DNAH8: variants seen among roughly 807,000 people sequenced by gnomAD.
DNAH8 encodes dynein axonemal heavy chain 8, also known as axonemal beta dynein heavy chain 8.
Under a neutral mutation model 562.1 loss-of-function variants are expected in DNAH8, and 382 were observed. The observed-to-expected ratio is 0.68, with a 90% CI of 0.63 to 0.74. The LOEUF is 0.74. Ranked by LOEUF, DNAH8 falls within the 30% of genes least tolerant of loss-of-function variation. The pLI, the probability that DNAH8 is intolerant of heterozygous loss-of-function variation, is 0.00. For missense variants in DNAH8, 5,203 were observed against 5,620.4 expected (o/e 0.93, Z 2.37); for synonymous variants, 1,881 against 1,919.4 (o/e 0.98, Z 0.52).
In DNAH8 at chr6:38,850,240, T is replaced by G; in HGVS notation, c.5200-11T>G. ...AATGCTAATCTTTACTGGCTATGGATGCATTTTCAGGAAGCAAAACGTTTT... is the reference window on the plus strand; with the variant it reads ...AATGCTAATCTTTACTGGCTATGGAGGCATTTTCAGGAAGCAAAACGTTTT... On this transcript the variant is annotated splice_polypyrimidine_tract_variant and intron_variant, in intron 37 of 92. Transcript: ENST00000327475. 6.2e-7 allele frequency: 1 copy of G among 1,611,820 alleles called. No individual in the cohort carries two copies. The highest frequency in any genetic ancestry group is 8.5e-7 in the Non-Finnish European group (1 of 1,178,736).
intron 15 of DNAH8, among the ~76,000 whole-genome samples, chr6:38,780,548 G>T (rs570555210): frequency 6.6e-6 from 1 of 152,196 alleles, no homozygotes; most frequent in South Asian, 2.1e-4. Flanking sequence ...CAGGAACATG[G>T]ACGAAGCTAG....
Position 38,924,125 on chromosome 6 carries a change from A to G in DNAH8, c.10925A>G (p.Asn3642Ser), listed in dbSNP as rs1781927971. The G allele has an allele frequency of 6.2e-7, 1 of 1,613,858 alleles. No homozygotes were observed. The highest frequency in any genetic ancestry group is 1.3e-5 in the African/African-American group (1 of 74,912). The change falls in exon 73 of 93, where the codon AAC (asparagine) becomes AGC (serine). Residue 3642 changes from asparagine (N) to serine (S), a missense_variant. By Grantham distance (46) the Asn-to-Ser change is conservative. Around this residue, in one of 6 missense-constraint regions of DNAH8, gnomAD observed 1,399 missense variants for 1,518.4 expected, o/e 0.92. Coordinates refer to ENST00000327475, the MANE Select transcript of DNAH8 (RefSeq NM_001206927.2). Reference sequence around the variant, plus strand: ...GCACGGAAAATTCCTTTCACAGAAAACCTGAATCTTATTTCAATGTTGGTG... The same window carrying G: ...GCACGGAAAATTCCTTTCACAGAAAGCCTGAATCTTATTTCAATGTTGGTG... ...LRARKIPFTENLNLISMLVDP... is the reference protein window; with the variant it reads ...LRARKIPFTESLNLISMLVDP...
chr6:38,900,756 A>G (rs1780021156), intron 62 of DNAH8, among the ~76,000 whole-genome samples: 1 of 152,094 alleles, frequency 6.6e-6, no homozygotes, highest in Non-Finnish European at 1.5e-5. Flanking sequence ...AGCTGGGATC[A>G]CAGGAGTGTG....
intron 32 of DNAH8, among the ~76,000 whole-genome samples, chr6:38,837,665 G>A (rs1774411753): frequency 6.6e-6 from 1 of 152,174 alleles, no homozygotes; most frequent in Non-Finnish European, 1.5e-5. Flanking sequence ...ACTTTTAGAT[G>A]TACTTATGGG....
intron 1 of DNAH8, 23 bp from the exon 2 acceptor site, chr6:38,722,753 A>G: frequency 6.7e-7 from 1 of 1,494,578 alleles, no homozygotes; most frequent in Non-Finnish European, 8.9e-7. Context: ...GTAGTTTTAA[A>G]CGAACCTATG....
intron 91 of DNAH8, among the ~76,000 whole-genome samples, chr6:39,016,834 G>A (rs749906111): frequency 6.6e-6 from 1 of 152,158 alleles, no homozygotes; most frequent in Non-Finnish European, 1.5e-5. Flanking sequence ...GCTACCTCAA[G>A]GACAAGTGAC....
At chr6:38,834,455 C>A (rs1583137814) in intron 31 of DNAH8, 124 bp from the exon 32 acceptor site, 2 of 608,200 alleles carry the variant, frequency 3.3e-6, no homozygotes, top group East Asian at 3.0e-5. Flanking sequence ...AAGTACAGGA[C>A]ACAATTAAAT....
At position 38,984,144 on chromosome 6, in the gene DNAH8, G is replaced by A. The variant is rs994092550; in HGVS notation, c.12952-62G>A. ...AGACCTTTCCTCTAGGGAAAGACCC[G>A]AAATGTTTATAATGATGTGTTTGGG... On this transcript the variant is annotated intron_variant, in intron 86 of 92. Transcript: ENST00000327475. 7.0e-5 allele frequency: 68 copies of A among 976,120 alleles called. 1 individual carries two copies. The highest frequency in any genetic ancestry group is 3.1e-4 in the African/African-American group (19 of 61,132). The allele number at this position is 976,120 out of a possible 1,614,324, so 60.5% of individuals were successfully genotyped here. A position where few individuals can be genotyped will look rare whatever the true frequency, so the allele number is the denominator to read the frequency against.
At position 38,911,404 on chromosome 6, in the gene DNAH8, A is replaced by G. The variant is rs1023907316; in HGVS notation, c.9741-64A>G. Reference sequence around the variant, plus strand: ...TGATCACACTGATTTCACCTTGGGAAAGGTGTCGTTTTATGGGAGTACGCA... The same window carrying G: ...TGATCACACTGATTTCACCTTGGGAGAGGTGTCGTTTTATGGGAGTACGCA... On this transcript the variant is annotated intron_variant, in intron 65 of 92. Transcript: ENST00000327475. 24 of 1,164,668 alleles carry G rather than the reference A, an allele frequency of 2.1e-5. No individual in the cohort carries two copies. In the Admixed American group the frequency reaches 2.9e-4, roughly 14 times the overall value. The allele number at this position is 1,164,668 out of a possible 1,614,324, so 72.1% of individuals were successfully genotyped here.
In DNAH8 at chr6:38,765,484, C is replaced by T. The variant is rs1462545260; in HGVS notation, c.1617+3681C>T. ...GTTGACTTTTGTATGTCATATGAAA[C>T]GATGGTTCAATTTTATTGTTTTGCA... On this transcript the variant is annotated intron_variant, in intron 11 of 92. Coordinates refer to ENST00000327475, the MANE Select transcript of DNAH8 (RefSeq NM_001206927.2). Among the ~76,000 whole-genome samples the T allele has an allele frequency of 3.9e-5, 6 of 152,084 alleles. 1 individual carries two copies. Among genetic ancestry groups the T allele is most frequent in the Middle Eastern group, 6.3e-3 (2 of 316 alleles).
intron 13 of DNAH8, among the ~76,000 whole-genome samples, chr6:38,777,257 T>G (rs907543199): frequency 6.6e-6 from 1 of 152,096 alleles, no homozygotes; most frequent in Admixed American, 6.6e-5. Context: ...TTTATGGCAA[T>G]GGGAATTTTT....
intron 4 of DNAH8, among the ~76,000 whole-genome samples, chr6:38,732,245 G>A (rs1259865628): frequency 6.6e-6 from 1 of 152,076 alleles, no homozygotes; most frequent in African/African-American, 2.4e-5. Context: ...CCTATTGATG[G>A]TCACATCTCT....
chr6:38,955,439 T>C (rs1047338405), intron 82 of DNAH8, among the ~76,000 whole-genome samples: 2 of 152,040 alleles, frequency 1.3e-5, no homozygotes, highest in African/African-American at 4.8e-5. Flanking sequence ...GAGGTCAGCC[T>C]GACCAACATG....
At chr6:38,908,198 G>T (rs770355385) in intron 64 of DNAH8, 78 bp downstream of exon 64, 5 of 760,962 alleles carry the variant, frequency 6.6e-6, no homozygotes, top group Non-Finnish European at 9.5e-6. Flanking sequence ...TCTCTGATTA[G>T]AAAATGATCT....
At chr6:39,000,783 T>C (rs575385693) in intron 88 of DNAH8, among the ~76,000 whole-genome samples, 17 of 152,312 alleles carry the variant, frequency 1.1e-4, no homozygotes, top group African/African-American at 4.1e-4. Flanking sequence ...CCGAAACTTT[T>C]CCGCCGCCTC....
chr6:39,021,164 A>G (rs865865687), intron 91 of DNAH8, among the ~76,000 whole-genome samples: 4 of 152,136 alleles, frequency 2.6e-5, no homozygotes, highest in Admixed American at 2.0e-4. Flanking sequence ...ATTTTCTGAA[A>G]AGCTTCCTTG....
At position 38,842,840 on chromosome 6, in the gene DNAH8, T is replaced by G; in HGVS notation, c.4782T>G (p.Ser1594=). 6.2e-7 allele frequency: 1 copy of G among 1,613,914 alleles called. No individual in the cohort carries two copies. The highest frequency in any genetic ancestry group is 1.1e-5 in the South Asian group (1 of 91,076). Residue 1594 remains serine, a synonymous_variant, in exon 35 of 93, where the codon TCT becomes TCG. Coordinates refer to ENST00000327475, the MANE Select transcript of DNAH8 (RefSeq NM_001206927.2). ...CTGGAACCCCATTTGATGTGGAATC[T>G]GATTCTTTTTGCCTTAGAAATATCA... is the stretch of plus-strand genomic sequence containing the variant. ...ELTGTPFDVE[S]DSFCLRNIME...
chr6:38,962,634 G>A (rs1446680636), intron 82 of DNAH8, among the ~76,000 whole-genome samples: 1 of 152,008 alleles, frequency 6.6e-6, no homozygotes, highest in African/African-American at 2.4e-5. Context: ...GTCGATTAAG[G>A]CATTAAGTGC....
rs934100138 is a variant in DNAH8, at chr6:38,781,475, G to A, written c.2259+102G>A. ...TGTGTGCATTAAAGTAGCCAACAAC[G>A]AGCCAATTCTTTTACCAGGCAAGGA... On this transcript the variant is annotated intron_variant, in intron 16 of 92. Coordinates refer to ENST00000327475, the MANE Select transcript of DNAH8 (RefSeq NM_001206927.2). The A allele has an allele frequency of 4.3e-5, 57 of 1,337,638 alleles. No individual in the cohort carries two copies. In the African/African-American group the frequency reaches 5.2e-4, roughly 12 times the overall value. 82.9% of individuals were successfully genotyped at this position (1,337,638 alleles called of 1,614,324 possible). A position where few individuals can be genotyped will look rare whatever the true frequency, so the allele number is the denominator to read the frequency against.
Sources: gnomAD v4.1 joint callset for allele counts (sites outside exome capture counted in the v4.1 genomes callset) on GRCh38, gnomAD v4.1.1 for gene constraint, gnomAD v4.1.1 regional missense constraint, MANE v1.5 for transcripts, NCBI Gene and HGNC (gene_info 2026-07-23, HGNC 2026-07-21) for gene names.